Variants in BIRC6 observed in about 807,000 individuals in gnomAD.
BIRC6 encodes baculoviral IAP repeat containing 6.
In BIRC6, 98 loss-of-function variants were observed where a neutral mutation model predicts 503.3. That is an observed-to-expected ratio of 0.19 (90% CI 0.17 to 0.23). The LOEUF (loss-of-function observed/expected upper bound fraction) is 0.23. BIRC6 is among the 10% of genes least tolerant of loss of function. The pLI, the probability that BIRC6 is intolerant of heterozygous loss-of-function variation, is 1.00. For missense variants in BIRC6, 5,360 were observed against 5,806.0 expected (o/e 0.92, Z 2.50); for synonymous variants, 2,240 against 2,078.7 (o/e 1.08, Z -2.11).
intron 70 of BIRC6, 132 bp from the exon 71 acceptor site, chr2:32,602,874 A>C: frequency 1.6e-6 from 1 of 641,640 alleles, no homozygotes; most frequent in South Asian, 2.8e-5. Context: ...GACAACCCTT[A>C]GGGTTTTATC....
chr2:32,453,738 AATT>A (rs1259278492), intron 22 of BIRC6, 67 bp from the exon 23 acceptor site: 12 of 1,438,236 alleles, frequency 8.3e-6, no homozygotes, highest in African/African-American at 2.8e-5. Flanking sequence ...TTGCAGCTAT[AATT>A]ATTGTTGTGA....
At chr2:32,424,872 T>G (rs1325665963) in intron 10 of BIRC6, among the ~76,000 whole-genome samples, 1 of 152,162 alleles carries the variant, frequency 6.6e-6, no homozygotes, top group Non-Finnish European at 1.5e-5. Flanking sequence ...CCATTTTGCA[T>G]TTCCACAAGC....
rs577180766 is a variant in BIRC6 at position 32,518,488 on chromosome 2, C to T, written c.11493+91C>T. 1.8e-5 allele frequency: 24 copies of T among 1,324,018 alleles called. No homozygotes were observed. The African/African-American group carries it at 2.2e-4, about 12-fold the overall frequency. 82.0% of individuals were successfully genotyped at this position (1,324,018 alleles called of 1,614,324 possible). On this transcript the variant is annotated intron_variant, in intron 56 of 73. Coordinates refer to ENST00000421745, the MANE Select transcript of BIRC6 (RefSeq NM_016252.4). ...GCAGTTACCTCCTATGTTCTAACTT[C>T]GAGTATAGCAAAGTGAAACTAGCAC...
intron 65 of BIRC6, among the ~76,000 whole-genome samples, chr2:32,555,673 A>C (rs927342320): frequency 6.6e-6 from 1 of 151,820 alleles, no homozygotes; most frequent in Non-Finnish European, 1.5e-5. Flanking sequence ...AGATTATTCT[A>C]CTAATTAGAG....
chr2:32,586,149 A>G (rs1229074161), intron 66 of BIRC6, among the ~76,000 whole-genome samples: 2 of 152,232 alleles, frequency 1.3e-5, no homozygotes, highest in East Asian at 3.9e-4. Context: ...ATTGATCATT[A>G]GGATTCACGC....
intron 66 of BIRC6, among the ~76,000 whole-genome samples, chr2:32,581,537 G>A (rs2060676982): frequency 6.6e-6 from 1 of 152,032 alleles, no homozygotes; most frequent in African/African-American, 2.4e-5. Flanking sequence ...AATTAAACAA[G>A]TTTTTCTTAG....
chr2:32,460,190 TG>T (rs2047680447), intron 23 of BIRC6, among the ~76,000 whole-genome samples: 1 of 139,948 alleles, frequency 7.1e-6, no homozygotes, highest in African/African-American at 2.7e-5. Context: ...ATATCTCATA[TG>T]TGATATATAT....
chr2:32,535,621 CA>C (rs957820569), intron 61 of BIRC6, among the ~76,000 whole-genome samples: 21 of 152,208 alleles, frequency 1.4e-4, no homozygotes, highest in Admixed American at 9.8e-4. Context: ...CATGTCCCTA[CA>C]AAGGACATGA....
rs561327642 is a variant in BIRC6 at position 32,464,394 on chromosome 2, TTAAG to T, written c.4942-112_4942-109del. 1.8e-3 allele frequency: 2,254 copies of T among 1,249,276 alleles called. 4 individuals carry two copies. The highest frequency in any genetic ancestry group is 2.1e-3 in the Non-Finnish European group (1,914 of 930,926). 77.4% of individuals were successfully genotyped at this position (1,249,276 alleles called of 1,614,324 possible). A position where few individuals can be genotyped will look rare whatever the true frequency, so the allele number is the denominator to read the frequency against. On this transcript the variant is annotated intron_variant, in intron 24 of 73. Transcript: ENST00000421745. ...GTCCAGTTTTGATTTAATTTCATCT[TTAAG>T]TATGATCAATTTAATCATGTTTATC...
intron 10 of BIRC6, among the ~76,000 whole-genome samples, chr2:32,423,088 T>A (rs2043113102): frequency 1.3e-5 from 2 of 152,044 alleles, no homozygotes; most frequent in African/African-American, 2.4e-5. Flanking sequence ...TACAGGCGTC[T>A]GGCTAATTTT....
chr2:32,435,407 C>G (rs954369530), intron 13 of BIRC6, 89 bp from the exon 14 acceptor site: 1 of 1,321,868 alleles, frequency 7.6e-7, no homozygotes, highest in Non-Finnish European at 9.8e-7. Context: ...GCACATAAAT[C>G]ATTGATATTA....
At chr2:32,508,304 G>A (rs762504595) in intron 51 of BIRC6, 45 bp downstream of exon 51, 30 of 862,798 alleles carry the variant, frequency 3.5e-5, no homozygotes, top group Middle Eastern at 5.8e-4. Flanking sequence ...TTTTTTTTTT[G>A]GCATGGTTGG....
At position 32,415,130 on chromosome 2, in the gene BIRC6, C is replaced by CACT; in HGVS notation, c.1841_1843dup (p.Thr614dup). ...AAGGGTCAACTGACAATGAATCCTGCACTAATTCAGAACTAAATTCTCCTC... is the reference window on the plus strand; with the variant it reads ...AAGGGTCAACTGACAATGAATCCTGCACTACTAATTCAGAACTAAATTCTCCTC... On this transcript the variant is annotated inframe_insertion, in exon 10 of 74. Transcript: ENST00000421745. 6.2e-7 allele frequency: 1 copy of CACT among 1,613,946 alleles called. No individual in the cohort carries two copies. The highest frequency in any genetic ancestry group is 8.5e-7 in the Non-Finnish European group (1 of 1,179,878).
intron 23 of BIRC6, 150 bp from the exon 24 acceptor site, chr2:32,463,044 T>G: frequency 3.4e-6 from 2 of 584,794 alleles, no homozygotes; most frequent in South Asian, 5.5e-5. Flanking sequence ...TGTTTCCTTA[T>G]TTATACTTTC....
chr2:32,357,383 C>A lies in BIRC6; in HGVS notation c.222C>A (p.Ser74=). Residue 74 remains serine, a synonymous_variant, in exon 1 of 74, where the codon TCC becomes TCA. Coordinates refer to ENST00000421745, the MANE Select transcript of BIRC6 (RefSeq NM_016252.4). The surrounding 1 kb of genome is among the most constrained non-coding windows in gnomAD (Gnocchi z 4.9). ...HCDADGLHSL[S]YHPALNAILA... Reference sequence around the variant, plus strand: ...ACGCCGACGGGCTGCACAGCCTGTCCTACCACCCTGCGCTCAACGCCATCC... The same window carrying A: ...ACGCCGACGGGCTGCACAGCCTGTCATACCACCCTGCGCTCAACGCCATCC... 6.5e-7 allele frequency: 1 copy of A among 1,548,998 alleles called. No homozygotes were observed.
Position 32,499,595 on chromosome 2 carries a change from C to T in BIRC6, c.8517C>T (p.Leu2839=). 6.2e-7 allele frequency: 1 copy of T among 1,613,740 alleles called. No individual in the cohort carries two copies. Among genetic ancestry groups the T allele is most frequent in the Non-Finnish European group, 8.5e-7 (1 of 1,179,774 alleles). ...GQGPLDAQVK[L]LEFTLEQNFE... ...GACCTCTCGATGCCCAAGTGAAGCT[C>T]TTAGAATTCACTCTGGAGCAGAATT... Residue 2839 remains leucine (L), a synonymous_variant, in exon 46 of 74, where the codon CTC becomes CTT. Coordinates refer to ENST00000421745, the MANE Select transcript of BIRC6 (RefSeq NM_016252.4).
chr2:32,409,764 T>A (rs1387974805), intron 9 of BIRC6, among the ~76,000 whole-genome samples: 1 of 152,202 alleles, frequency 6.6e-6, no homozygotes, highest in African/African-American at 2.4e-5. Flanking sequence ...GAAGGGTTTT[T>A]AAAATGATTG....
At chr2:32,577,428 G>A (rs1307304296) in intron 66 of BIRC6, among the ~76,000 whole-genome samples, 1 of 152,020 alleles carries the variant, frequency 6.6e-6, no homozygotes, top group Non-Finnish European at 1.5e-5. Context: ...TAATGATTTG[G>A]AATGTTGTTT....
chr2:32,484,290 C>T (rs1352151902), intron 39 of BIRC6, among the ~76,000 whole-genome samples: 3 of 139,196 alleles, frequency 2.2e-5, no homozygotes, highest in Non-Finnish European at 3.1e-5. Flanking sequence ...GCGGTGGTCA[C>T]GCCTGTAATC....
Sources: allele counts gnomAD v4.1 joint callset (sites outside exome capture counted in the v4.1 genomes callset), GRCh38; gene constraint gnomAD v4.1.1; non-coding constraint Gnocchi (gnomAD v3.1); transcripts MANE v1.5; gene names NCBI Gene and HGNC (gene_info 2026-07-23, HGNC 2026-07-21).